ASPRV1: variants seen among roughly 807,000 people sequenced by gnomAD.
ASPRV1 encodes retroviral-like aspartic protease 1.
ASPRV1 carries 7 observed loss-of-function variants against 11.0 expected under a neutral mutation model. The observed-to-expected ratio is 0.64, with a 90% CI of 0.36 to 1.20. The LOEUF (loss-of-function observed/expected upper bound fraction) is 1.20, where lower values mean the gene tolerates loss of function less well. Ranked by LOEUF, ASPRV1 falls within the 50% of genes most tolerant of loss-of-function variation. ASPRV1 has a pLI of 0.02. For missense variants in ASPRV1, 299 were observed against 320.0 expected (o/e 0.93, Z 0.50); for synonymous variants, 136 against 138.4 (o/e 0.98, Z 0.12).
At chr2:70,059,362 T>C in the ASPRV1 span, among the ~76,000 whole-genome samples, 2 of 151,568 alleles carry the variant, frequency 1.3e-5, no homozygotes, top group Non-Finnish European at 2.9e-5. Flanking sequence ...GTATGCACAC[T>C]GATTGGTTTT....
At chr2:70,010,565 A>C in the ASPRV1 span, among the ~76,000 whole-genome samples, 1 of 152,170 alleles carries the variant, frequency 6.6e-6, no homozygotes, top group Non-Finnish European at 1.5e-5. Context: ...ATGATAAGGA[A>C]TTTGGACTTG....
At chr2:69,935,402 T>G in the ASPRV1 span, 740,204 of 1,613,146 alleles carry the variant, frequency 0.46, 176,174 homozygotes, top group African/African-American at 0.8. Flanking sequence ...TGGTGCCACT[T>G]GGACCCGAAT....
the ASPRV1 span, among the ~76,000 whole-genome samples, chr2:70,066,520 G>A: frequency 3.3e-5 from 5 of 152,226 alleles, no homozygotes; most frequent in South Asian, 8.3e-4. Context: ...TGGGATTATA[G>A]GCATGAGCCA....
At chr2:70,063,372 C>G in the ASPRV1 span, among the ~76,000 whole-genome samples, 1 of 152,168 alleles carries the variant, frequency 6.6e-6, no homozygotes, top group Non-Finnish European at 1.5e-5. Flanking sequence ...CTGACAGAGT[C>G]CCGTACTATA....
the ASPRV1 span, among the ~76,000 whole-genome samples, chr2:69,971,781 T>C: frequency 1.3e-5 from 2 of 152,162 alleles, no homozygotes; most frequent in Non-Finnish European, 2.9e-5. Flanking sequence ...TGAACTTGCA[T>C]CATCTGGGGG....
the ASPRV1 span, among the ~76,000 whole-genome samples, chr2:69,978,576 G>A: frequency 1.3e-5 from 2 of 152,180 alleles, no homozygotes; most frequent in Non-Finnish European, 2.9e-5. Flanking sequence ...TGATGATTAC[G>A]CAGAGCTACA....
the ASPRV1 span, among the ~76,000 whole-genome samples, chr2:69,991,590 C>T: frequency 1.3e-5 from 2 of 152,062 alleles, no homozygotes; most frequent in Non-Finnish European, 2.9e-5. Context: ...TCTCGTTGCC[C>T]AGGCTGGAGT....
chr2:70,070,326 C>T, the ASPRV1 span: 2 of 152,088 alleles, frequency 1.3e-5, no homozygotes, highest in Non-Finnish European at 2.9e-5. Context: ...TCATCTGTAT[C>T]ACCAGAAACT....
the ASPRV1 span, among the ~76,000 whole-genome samples, chr2:70,074,682 C>G: frequency 1.1e-4 from 17 of 152,078 alleles, no homozygotes; most frequent in East Asian, 2.5e-3. Flanking sequence ...CCTCTTTATT[C>G]CTAGTCCAGT....
chr2:69,976,939 T>C, the ASPRV1 span, among the ~76,000 whole-genome samples: 2 of 152,020 alleles, frequency 1.3e-5, no homozygotes, highest in Non-Finnish European at 2.9e-5. Flanking sequence ...TGCCTGTAAT[T>C]CCAGCACTTT....
chr2:70,071,989 T>C, the ASPRV1 span, among the ~76,000 whole-genome samples: 2 of 151,112 alleles, frequency 1.3e-5, no homozygotes, highest in South Asian at 4.2e-4. Context: ...TCTCGCTCTA[T>C]TGCCCAGGCT....
chr2:70,001,680 A>C, the ASPRV1 span, among the ~76,000 whole-genome samples: 2 of 152,136 alleles, frequency 1.3e-5, no homozygotes, highest in Non-Finnish European at 2.9e-5. Flanking sequence ...GAATCGCTTA[A>C]GCCCAGGAGA....
At chr2:70,022,236 C>T in the ASPRV1 span, among the ~76,000 whole-genome samples, 2 of 151,642 alleles carry the variant, frequency 1.3e-5, no homozygotes, top group Non-Finnish European at 2.9e-5. Context: ...AGGGTGGTCT[C>T]AATCTCCTGA....
the ASPRV1 span, chr2:69,941,265 G>C: frequency 6.6e-6 from 1 of 152,202 alleles, no homozygotes; most frequent in East Asian, 1.9e-4. Context: ...GTGTGCTTCT[G>C]TAACATCCTG....
the ASPRV1 span, among the ~76,000 whole-genome samples, chr2:69,989,592 C>T: frequency 5.3e-5 from 8 of 152,204 alleles, no homozygotes; most frequent in Non-Finnish European, 8.8e-5. Flanking sequence ...TCATTTGGGG[C>T]GTGGAGGGGG....
chr2:70,066,876 C>A, the ASPRV1 span, among the ~76,000 whole-genome samples: 2 of 152,154 alleles, frequency 1.3e-5, no homozygotes, highest in African/African-American at 4.8e-5. Context: ...AGGCATGAGC[C>A]ACCACGCCTG....
At chr2:70,037,309 GC>G in the ASPRV1 span, among the ~76,000 whole-genome samples, 11 of 152,130 alleles carry the variant, frequency 7.2e-5, no homozygotes, top group Non-Finnish European at 1.2e-4. Context: ...CAAGCAATCT[GC>G]CTGCCTCAAC....
the ASPRV1 span, among the ~76,000 whole-genome samples, chr2:70,084,784 T>C: frequency 1.3e-5 from 2 of 152,208 alleles, no homozygotes; most frequent in African/African-American, 4.8e-5. Context: ...TGTGAGACAC[T>C]GAATACATAA....
downstream of ASPRV1, among the ~76,000 whole-genome samples, chr2:69,959,115 G>T (rs1418466632): frequency 6.6e-6 from 1 of 152,144 alleles, no homozygotes; most frequent in Non-Finnish European, 1.5e-5. Context: ...AAAGTCCAGG[G>T]GCTTCACTCC....
Sources: allele counts gnomAD v4.1 joint callset (sites outside exome capture counted in the v4.1 genomes callset), GRCh38; gene constraint gnomAD v4.1.1; transcripts MANE v1.5; gene names NCBI Gene and HGNC (gene_info 2026-07-23, HGNC 2026-07-21).